Variants in TENM3 observed in about 807,000 individuals in gnomAD.
TENM3 encodes the protein teneurin transmembrane protein 3.
TENM3 carries 63 observed loss-of-function variants against 255.1 expected under a neutral mutation model. The ratio of observed to expected loss-of-function variants is 0.25; its 90% CI spans 0.20 to 0.30. The LOEUF (loss-of-function observed/expected upper bound fraction) is 0.30. Among genes scored for constraint, TENM3 ranks in the 10% least tolerant of loss-of-function variants. TENM3 has a pLI of 1.00. For synonymous variants in TENM3, 1,306 were observed against 1,322.3 expected, an observed-to-expected ratio of 0.99 and a Z score of 0.27; for missense variants, 2,929 against 3,461.1, an observed-to-expected ratio of 0.85 and a Z score of 3.86.
chr4:181,626,449 G>T, the TENM3 span, among the ~76,000 whole-genome samples: 2 of 152,290 alleles, frequency 1.3e-5, no homozygotes, highest in South Asian at 4.1e-4. Context: ...TCATGGTTCT[G>T]CAGGCTGCAC....
chr4:182,280,172 G>C (rs749893644), intron 1 of TENM3, among the ~76,000 whole-genome samples: 29 of 152,200 alleles, frequency 1.9e-4, no homozygotes, highest in Admixed American at 5.2e-4. Context: ...CATTCAGTTG[G>C]AGACTTCTTT....
At chr4:182,320,611 T>A (rs1762994950) in intron 1 of TENM3, among the ~76,000 whole-genome samples, 3 of 152,148 alleles carry the variant, frequency 2.0e-5, no homozygotes, top group Non-Finnish European at 4.4e-5. Context: ...GAAATAAAAG[T>A]AAAACCCCAT....
At chr4:182,428,948 A>G (rs886876650) in intron 3 of TENM3, among the ~76,000 whole-genome samples, 13 of 152,174 alleles carry the variant, frequency 8.5e-5, no homozygotes, top group African/African-American at 3.1e-4. Context: ...TTATGTGTGT[A>G]TAAATATGTG....
At chr4:181,795,947 T>C in the TENM3 span, among the ~76,000 whole-genome samples, 1 of 152,070 alleles carries the variant, frequency 6.6e-6, no homozygotes, top group Non-Finnish European at 1.5e-5. Flanking sequence ...AGAGACTCAG[T>C]AGGGAGTCAC....
chr4:181,907,558 G>T, the TENM3 span, among the ~76,000 whole-genome samples: 1 of 152,128 alleles, frequency 6.6e-6, no homozygotes, highest in African/African-American at 2.4e-5. Context: ...TCCTGTGCTG[G>T]GTATTACAGT....
the TENM3 span, among the ~76,000 whole-genome samples, chr4:181,611,286 C>T: frequency 1.3e-5 from 2 of 152,170 alleles, no homozygotes; most frequent in African/African-American, 4.8e-5. Context: ...CAAAAGATAT[C>T]CTCTGGGCGT....
chr4:182,472,574 C>T (rs1460528733), intron 3 of TENM3, among the ~76,000 whole-genome samples: 3 of 152,140 alleles, frequency 2.0e-5, no homozygotes, highest in African/African-American at 7.2e-5. Flanking sequence ...TTTTTGCTTA[C>T]ATACTCACTA....
chr4:181,914,496 G>T, the TENM3 span, among the ~76,000 whole-genome samples: 1 of 152,090 alleles, frequency 6.6e-6, no homozygotes, highest in Non-Finnish European at 1.5e-5. Flanking sequence ...CTCTCCTAAT[G>T]TGGTACAAAA....
intron 3 of TENM3, among the ~76,000 whole-genome samples, chr4:182,400,844 T>C (rs1475652467): frequency 1.3e-5 from 2 of 152,200 alleles, no homozygotes; most frequent in Non-Finnish European, 2.9e-5. Flanking sequence ...GAAGGGATTA[T>C]GTAGGAATAT....
At chr4:182,149,148 T>C (rs1750161229) in intron 1 of TENM3, among the ~76,000 whole-genome samples, 1 of 152,038 alleles carries the variant, frequency 6.6e-6, no homozygotes, top group African/African-American at 2.4e-5. Context: ...TTCTCTGTAA[T>C]GATAGATTCT....
chr4:181,903,176 A>G, the TENM3 span, among the ~76,000 whole-genome samples: 1 of 151,930 alleles, frequency 6.6e-6, no homozygotes, highest in East Asian at 1.9e-4. Context: ...GGAAGCATCT[A>G]TATTGCTTTA....
intron 3 of TENM3, among the ~76,000 whole-genome samples, chr4:182,377,409 G>T (rs1205235778): frequency 1.3e-5 from 2 of 152,118 alleles, no homozygotes; most frequent in Admixed American, 6.5e-5. Flanking sequence ...CACCTCCTGG[G>T]TTCAAGCGAT....
chr4:182,147,676 CT>C (rs1394095678), intron 1 of TENM3, among the ~76,000 whole-genome samples: 1 of 151,984 alleles, frequency 6.6e-6, no homozygotes, highest in Non-Finnish European at 1.5e-5. Context: ...CGAGGGCATA[CT>C]TTTTTTTACT....
At chr4:181,873,741 GGTGTGTGTGTGTGT>G in the TENM3 span, among the ~76,000 whole-genome samples, 1 of 148,774 alleles carries the variant, frequency 6.7e-6, no homozygotes, top group Non-Finnish European at 1.5e-5. Context: ...TCTTGAGTAT[GGTGTGTGTGTGTGT>G]GTGTGTGTGT....
At chr4:181,937,769 T>C in the TENM3 span, among the ~76,000 whole-genome samples, 1 of 152,252 alleles carries the variant, frequency 6.6e-6, no homozygotes, top group Admixed American at 6.5e-5. Context: ...CTCTGATGAA[T>C]GCCAATGTGA....
the TENM3 span, among the ~76,000 whole-genome samples, chr4:182,127,420 C>A: frequency 6.6e-6 from 1 of 152,106 alleles, no homozygotes; most frequent in Non-Finnish European, 1.5e-5. Context: ...TATTTGATGT[C>A]ATGTTAATTT....
chr4:181,557,430 A>G, the TENM3 span, among the ~76,000 whole-genome samples: 3 of 152,200 alleles, frequency 2.0e-5, no homozygotes, highest in African/African-American at 7.2e-5. Flanking sequence ...AGTAAGAGAA[A>G]CCACATGTTG....
the TENM3 span, among the ~76,000 whole-genome samples, chr4:181,811,409 C>T: frequency 6.6e-6 from 1 of 152,160 alleles, no homozygotes; most frequent in South Asian, 2.1e-4. Context: ...ACACTGGTTC[C>T]AACACTTTGG....
At chr4:181,739,946 G>A in the TENM3 span, among the ~76,000 whole-genome samples, 6 of 152,314 alleles carry the variant, frequency 3.9e-5, no homozygotes, top group South Asian at 2.1e-4. Context: ...ATTGTGTTGC[G>A]TAGCAACCGG....
Sources: gnomAD v4.1 joint callset for allele counts (sites outside exome capture counted in the v4.1 genomes callset) on GRCh38, gnomAD v4.1.1 for gene constraint, MANE v1.5 for transcripts, NCBI Gene and HGNC (gene_info 2026-07-23, HGNC 2026-07-21) for gene names.